The following SIPA1L1 variants were observed in gnomAD, a reference collection of about 807,000 sequenced individuals.
SIPA1L1 encodes signal-induced proliferation-associated 1-like protein 1.
SIPA1L1 carries 26 observed loss-of-function variants against 162.7 expected under a neutral mutation model. The observed-to-expected ratio is 0.16, with a 90% CI of 0.12 to 0.22. The LOEUF (loss-of-function observed/expected upper bound fraction) is 0.22. Ranked by LOEUF, SIPA1L1 falls within the 10% of genes least tolerant of loss-of-function variation. The pLI is 1.00. For synonymous variants in SIPA1L1, 829 were observed against 837.4 expected, an observed-to-expected ratio of 0.99 and a Z score of 0.17; for missense variants, 1,874 against 2,241.0, an observed-to-expected ratio of 0.84 and a Z score of 3.31.
chr14:71,682,026 A>C (rs1318856416), intron 12 of SIPA1L1, among the ~76,000 whole-genome samples: 1 of 152,210 alleles, frequency 6.6e-6, no homozygotes, highest in East Asian at 1.9e-4. Flanking sequence ...GGTTTCGTTA[A>C]TGGCTAAAAT....
intron 4 of SIPA1L1, among the ~76,000 whole-genome samples, chr14:71,529,738 A>G (rs577170076): frequency 7.2e-5 from 11 of 152,306 alleles, no homozygotes; most frequent in African/African-American, 2.6e-4. Flanking sequence ...CTTGTCCATG[A>G]TTGACTCATG....
Position 71,739,348 on chromosome 14 carries a change from AAAAC to A in SIPA1L1, c.*191_*194del, listed in dbSNP as rs777168926. 1 of 412,090 alleles carries A rather than the reference AAAAC, an allele frequency of 2.4e-6. No individual in the cohort carries two copies. Among genetic ancestry groups the A allele is most frequent in the Non-Finnish European group, 4.2e-6 (1 of 239,896 alleles). 25.5% of individuals were successfully genotyped at this position (412,090 alleles called of 1,614,324 possible). Reference sequence around the variant, plus strand: ...CATCACCTGCCTTTTGTAGAAAAGAAAAACAAAAAAAGTAAATAAAAATTTTAAA... The same window carrying A: ...CATCACCTGCCTTTTGTAGAAAAGAAAAAAAAAGTAAATAAAAATTTTAAA... On this transcript the variant is annotated 3_prime_UTR_variant, in exon 24 of 24. Coordinates refer to ENST00000381232, the MANE Select transcript of SIPA1L1 (RefSeq NM_001386936.1).
At chr14:71,361,531 A>G (rs1361029199) in intron 2 of SIPA1L1, among the ~76,000 whole-genome samples, 1 of 152,192 alleles carries the variant, frequency 6.6e-6, no homozygotes, top group Non-Finnish European at 1.5e-5. Context: ...ATCCTGGTCA[A>G]CGGGTTTTCC....
chr14:71,386,523 A>ATTT (rs1595154808), intron 2 of SIPA1L1, among the ~76,000 whole-genome samples: 2 of 152,210 alleles, frequency 1.3e-5, no homozygotes, highest in East Asian at 3.9e-4. Flanking sequence ...TTGACACTGA[A>ATTT]TATTAACCAT....
At chr14:71,385,757 G>A (rs1168179350) in intron 2 of SIPA1L1, among the ~76,000 whole-genome samples, 3 of 147,400 alleles carry the variant, frequency 2.0e-5, no homozygotes, top group East Asian at 2.0e-4. Flanking sequence ...GCGCAATCTC[G>A]GCTCACTGCA....
chr14:71,400,114 G>A (rs1295300912), intron 2 of SIPA1L1, among the ~76,000 whole-genome samples: 1 of 152,070 alleles, frequency 6.6e-6, no homozygotes, highest in African/African-American at 2.4e-5. Flanking sequence ...CATCAGCTGA[G>A]GTACCAGACC....
chr14:71,706,959 C>T (rs1336812984), intron 16 of SIPA1L1, among the ~76,000 whole-genome samples: 8 of 150,360 alleles, frequency 5.3e-5, no homozygotes, highest in African/African-American at 2.0e-4. Context: ...CGCTTGAACC[C>T]GGGAGGCAGA....
At chr14:71,566,539 C>CA (rs2030632360) in intron 4 of SIPA1L1, among the ~76,000 whole-genome samples, 1 of 152,054 alleles carries the variant, frequency 6.6e-6, no homozygotes, top group Non-Finnish European at 1.5e-5. Context: ...AATGCACCAT[C>CA]AAAACAGAAG....
intron 7 of SIPA1L1, among the ~76,000 whole-genome samples, chr14:71,625,618 A>G (rs558391331): frequency 1.3e-5 from 2 of 152,358 alleles, no homozygotes; most frequent in South Asian, 4.1e-4. Context: ...TCAAAAGACT[A>G]CTGACATATA....
chr14:71,561,484 C>T (rs1016666894), intron 4 of SIPA1L1, among the ~76,000 whole-genome samples: 1 of 152,174 alleles, frequency 6.6e-6, no homozygotes, highest in East Asian at 1.9e-4. Context: ...AAAAGTTTTT[C>T]TGTCAATTTC....
At chr14:71,590,638 G>A (rs11848785) in intron 5 of SIPA1L1, among the ~76,000 whole-genome samples, 124,264 of 152,144 alleles carry the variant, frequency 0.82, 51,271 homozygotes, top group African/African-American at 0.92. Context: ...TATCTATAGC[G>A]TGGGTCTTGG....
chr14:71,631,746 A>G (rs890249144), intron 7 of SIPA1L1, among the ~76,000 whole-genome samples: 1 of 152,204 alleles, frequency 6.6e-6, no homozygotes, highest in Non-Finnish European at 1.5e-5. Context: ...TAGTATCCAT[A>G]TGTCATTTTT....
At chr14:71,328,235 A>G (rs1378516431) in intron 2 of SIPA1L1, among the ~76,000 whole-genome samples, 1 of 152,180 alleles carries the variant, frequency 6.6e-6, no homozygotes. Flanking sequence ...AAGGCTTATT[A>G]AAAGTTCAGG....
At chr14:71,503,824 A>G (rs1036438518) in intron 2 of SIPA1L1, 3 of 151,866 alleles carry the variant, frequency 2.0e-5, no homozygotes, top group African/African-American at 7.3e-5. Context: ...TTTTTTTGAG[A>G]CAGAGTCTCG....
chr14:71,540,909 C>G (rs1442870597), intron 4 of SIPA1L1, among the ~76,000 whole-genome samples: 2 of 152,052 alleles, frequency 1.3e-5, no homozygotes, highest in South Asian at 2.1e-4. Flanking sequence ...GGCGGATTGC[C>G]TGAGGTCAGG....
intron 2 of SIPA1L1, among the ~76,000 whole-genome samples, chr14:71,498,764 G>C (rs2049982130): frequency 6.6e-6 from 1 of 152,176 alleles, no homozygotes; most frequent in Admixed American, 6.5e-5. Flanking sequence ...TCTAGTCCGT[G>C]ATGTGGTGAG....
At chr14:71,447,858 C>G (rs2045531250) in intron 2 of SIPA1L1, among the ~76,000 whole-genome samples, 1 of 152,098 alleles carries the variant, frequency 6.6e-6, no homozygotes, top group African/African-American at 2.4e-5. Context: ...TGTGAGCCAC[C>G]ATGCCTGGCC....
intron 2 of SIPA1L1, among the ~76,000 whole-genome samples, chr14:71,457,600 AT>A (rs111424697): frequency 0.02 from 2,743 of 135,652 alleles, 30 homozygotes; most frequent in African/African-American, 0.03. Context: ...CCCAGCCGAC[AT>A]TTTTTTTTTT....
chr14:71,593,956 A>G (rs2035727546), intron 5 of SIPA1L1, among the ~76,000 whole-genome samples: 2 of 152,182 alleles, frequency 1.3e-5, no homozygotes, highest in African/African-American at 4.8e-5. Flanking sequence ...CGCATCTAAG[A>G]GTATTTTCCC....
Sources: allele counts gnomAD v4.1 joint callset (sites outside exome capture counted in the v4.1 genomes callset), GRCh38; gene constraint gnomAD v4.1.1; transcripts MANE v1.5; gene names NCBI Gene and HGNC (gene_info 2026-07-23, HGNC 2026-07-21).